The following PECAM1 variants were observed in gnomAD, a reference collection of about 807,000 sequenced individuals.
PECAM1 encodes platelet endothelial cell adhesion molecule.
A neutral mutation model predicts 13.8 loss-of-function variants in PECAM1; 8 were observed. That is an observed-to-expected ratio of 0.58 (90% CI 0.34 to 1.05). The LOEUF is 1.05. Among genes scored for constraint, PECAM1 ranks in the 50% least tolerant of loss-of-function variants. PECAM1 has a pLI of 0.03. For missense variants in PECAM1, 304 were observed against 141.2 expected (o/e 2.15, Z -5.84); for synonymous variants, 136 against 52.6 (o/e 2.58, Z -6.86).
At chr17:64,372,054 CACA>C (rs1481737920) in intron 4 of PECAM1, among the ~76,000 whole-genome samples, 1 of 151,832 alleles carries the variant, frequency 6.6e-6, no homozygotes, top group Non-Finnish European at 1.5e-5. Flanking sequence ...TACAAATCAC[CACA>C]ACAATGATAT....
intron 15 of PECAM1, among the ~76,000 whole-genome samples, chr17:64,325,258 T>C (rs928084934): frequency 2.6e-5 from 4 of 151,960 alleles, no homozygotes; most frequent in African/African-American, 9.7e-5. Flanking sequence ...CGTGGTGGCG[T>C]GTGCCTGTAG....
At chr17:64,347,033 G>T (rs994613021) in intron 13 of PECAM1, among the ~76,000 whole-genome samples, 67 of 152,274 alleles carry the variant, frequency 4.4e-4, no homozygotes, top group Admixed American at 2.3e-3. Context: ...CTTAGTAAGT[G>T]CTCAATAAAT....
At position 64,323,778 on chromosome 17, in the gene PECAM1, T is replaced by A; in HGVS notation, c.*38A>T. 1 of 1,071,338 alleles carries A rather than the reference T, an allele frequency of 9.3e-7. No individual in the cohort carries two copies. The highest frequency in any genetic ancestry group is 1.5e-6 in the Non-Finnish European group (1 of 684,302). The allele number at this position is 1,071,338 out of a possible 1,614,324, so 66.4% of individuals were successfully genotyped here. On this transcript the variant is annotated 3_prime_UTR_variant, in exon 16 of 16. Transcript: ENST00000563924. ...GGGATTATCTGTTCTTCTCGGAACA[T>A]GGATGTCCTTCCAGGGATGTGCATC...
At chr17:64,384,632 G>T (rs1169715480) in intron 2 of PECAM1, among the ~76,000 whole-genome samples, 1 of 152,192 alleles carries the variant, frequency 6.6e-6, no homozygotes, top group Non-Finnish European at 1.5e-5. Flanking sequence ...CCACAGGAGT[G>T]AGCTTGGAAG....
chr17:64,384,456 T>C (rs978417627), intron 2 of PECAM1, among the ~76,000 whole-genome samples: 1 of 152,162 alleles, frequency 6.6e-6, no homozygotes, highest in African/African-American at 2.4e-5. Context: ...CACGTTAACA[T>C]TAACCAACAA....
rs1453481299 is a variant in PECAM1 at position 64,354,489 on chromosome 17, C to T, written c.1888+444G>A. Among the ~76,000 whole-genome samples, 4 of 152,200 alleles carry T rather than the reference C, an allele frequency of 2.6e-5. No homozygotes were observed. The South Asian group carries it at 8.3e-4, about 31-fold the overall frequency. On this transcript the variant is annotated intron_variant, in intron 9 of 15. Coordinates refer to ENST00000563924, the MANE Select transcript of PECAM1 (RefSeq NM_000442.5). ...AATTTTTGCAGGATTTACTGATGCTCTGCCCTTTTCCTTGAGTCTTGGACA... is the reference window on the plus strand; with the variant it reads ...AATTTTTGCAGGATTTACTGATGCTTTGCCCTTTTCCTTGAGTCTTGGACA...
chr17:64,389,347 C>G (rs2036667421), intron 2 of PECAM1, among the ~76,000 whole-genome samples: 1 of 152,164 alleles, frequency 6.6e-6, no homozygotes, highest in African/African-American at 2.4e-5. Flanking sequence ...TTCATGTGGT[C>G]CCAGAAGAAG....
chr17:64,324,474 A>C (rs1269095274), intron 15 of PECAM1, among the ~76,000 whole-genome samples: 1 of 152,168 alleles, frequency 6.6e-6, no homozygotes, highest in East Asian at 1.9e-4. Context: ...CCACCAAGTA[A>C]CTTCATCAAG....
chr17:64,363,046 C>T, intron 6 of PECAM1, 103 bp downstream of exon 6: 1 of 468,660 alleles, frequency 2.1e-6, no homozygotes, highest in Non-Finnish European at 3.9e-6. Flanking sequence ...TAGTTCTTAC[C>T]CTGCCTGAGT....
chr17:64,384,396 C>T (rs1568041199), intron 2 of PECAM1, among the ~76,000 whole-genome samples: 1 of 152,158 alleles, frequency 6.6e-6, no homozygotes, highest in African/African-American at 2.4e-5. Flanking sequence ...AAGATGCCCC[C>T]CCCAATGGTC....
At chr17:64,374,506 T>C (rs1370587467) in intron 4 of PECAM1, among the ~76,000 whole-genome samples, 2 of 134,668 alleles carry the variant, frequency 1.5e-5, no homozygotes, top group Non-Finnish European at 3.2e-5. Flanking sequence ...CACACAAGGT[T>C]GGGGTGGTGG....
At chr17:64,326,994 A>G (rs2034976344) in intron 15 of PECAM1, among the ~76,000 whole-genome samples, 1 of 152,220 alleles carries the variant, frequency 6.6e-6, no homozygotes, top group African/African-American at 2.4e-5. Flanking sequence ...CAACCAAGTG[A>G]GGGAGTTTAT....
Position 64,322,102 on chromosome 17 carries a change from G to A in PECAM1, c.*1714C>T. On this transcript the variant is annotated 3_prime_UTR_variant, in exon 16 of 16. Transcript: ENST00000563924. ...AAAAGAGTCTAGGCTGGGCATGGTG[G>A]CTCACGCCTGCAATCCCAACCCAAA... 9.1e-7 allele frequency: 1 copy of A among 1,099,382 alleles called. No homozygotes were observed. 68.1% of individuals were successfully genotyped at this position (1,099,382 alleles called of 1,614,324 possible).
intron 3 of PECAM1, among the ~76,000 whole-genome samples, chr17:64,377,143 G>A (rs1273400082): frequency 1.3e-5 from 2 of 152,070 alleles, no homozygotes; most frequent in Non-Finnish European, 2.9e-5. Context: ...AGCTGTTAAG[G>A]GACTTGCCCA....
chr17:64,341,164 T>C (rs1223364109), intron 14 of PECAM1, among the ~76,000 whole-genome samples: 6 of 149,774 alleles, frequency 4.0e-5, no homozygotes, highest in Admixed American at 3.3e-4. Flanking sequence ...CTTGGGAGGC[T>C]GAGGCAGGAG....
chr17:64,323,834 G>T lies in PECAM1; in HGVS notation c.2199C>A (p.Gly733=). ...TTGCTGTCTAAGTTCCATCAAGGGA[G>T]CCTTCCGTTCTCTGTAGCGACAAGA... ...AVESRYSRTE[G]SLDGT Residue 733 remains glycine (G), a synonymous_variant, in exon 16 of 16, where the codon GGC becomes GGA. Transcript: ENST00000563924. The T allele has an allele frequency of 1.2e-6, 1 of 823,918 alleles. No homozygotes were observed. Among genetic ancestry groups the T allele is most frequent in the Non-Finnish European group, 2.2e-6 (1 of 457,484 alleles). 51.0% of individuals were successfully genotyped at this position (823,918 alleles called of 1,614,324 possible).
chr17:64,357,202 G>A (rs891224182), intron 7 of PECAM1, among the ~76,000 whole-genome samples: 1 of 152,092 alleles, frequency 6.6e-6, no homozygotes, highest in Non-Finnish European at 1.5e-5. Context: ...TTCCCCGGAA[G>A]TATGAACATT....
chr17:64,357,488 T>C (rs1421289385), intron 7 of PECAM1, among the ~76,000 whole-genome samples: 1 of 152,204 alleles, frequency 6.6e-6, no homozygotes, highest in Non-Finnish European at 1.5e-5. Flanking sequence ...CTAAATTGTC[T>C]TCCCAAGTAG....
At chr17:64,361,647 G>T (rs2035983284) in intron 6 of PECAM1, among the ~76,000 whole-genome samples, 1 of 150,942 alleles carries the variant, frequency 6.6e-6, no homozygotes, top group African/African-American at 2.4e-5. Flanking sequence ...TAGCTACTCG[G>T]GAGGCTGAGG....
Sources: gnomAD v4.1 joint callset for allele counts (sites outside exome capture counted in the v4.1 genomes callset) on GRCh38, gnomAD v4.1.1 for gene constraint, MANE v1.5 for transcripts, NCBI Gene and HGNC (gene_info 2026-07-23, HGNC 2026-07-21) for gene names.